The following PKN2 variants were observed in gnomAD, a reference collection of about 807,000 sequenced individuals.
The protein encoded by PKN2 is protein kinase N2, also known as serine/threonine-protein kinase N2.
A neutral mutation model predicts 119.1 loss-of-function variants in PKN2; 38 were observed. That is an observed-to-expected ratio of 0.32 (90% CI 0.25 to 0.42). PKN2 has a LOEUF of 0.42. Ranked by LOEUF, PKN2 falls within the 10% of genes least tolerant of loss-of-function variation. PKN2 has a pLI of 1.00. For missense variants in PKN2, 850 were observed against 1,165.1 expected (o/e 0.73, Z 3.94); for synonymous variants, 390 against 384.9 (o/e 1.01, Z -0.15).
intron 8 of PKN2, among the ~76,000 whole-genome samples, chr1:88,788,409 G>A (rs1240271976): frequency 6.6e-6 from 1 of 151,990 alleles, no homozygotes; most frequent in Admixed American, 6.6e-5. Flanking sequence ...TGGCCCTCAG[G>A]CTAAGTAACT....
At chr1:88,775,138 T>C (rs1379919606) in intron 6 of PKN2, among the ~76,000 whole-genome samples, 3 of 151,842 alleles carry the variant, frequency 2.0e-5, no homozygotes, top group Non-Finnish European at 4.4e-5. Flanking sequence ...CTTATTTTAT[T>C]TTTTTTGTAG....
intron 16 of PKN2, among the ~76,000 whole-genome samples, chr1:88,820,539 AAAAATAAAT>A (rs998413484): frequency 5.4e-5 from 8 of 149,054 alleles, no homozygotes; most frequent in Non-Finnish European, 8.9e-5. Context: ...ATCTCAAAAA[AAAAATAAAT>A]AAAATAAATA....
intron 2 of PKN2, 144 bp downstream of exon 2, chr1:88,741,432 T>C (rs1668576075): frequency 3.7e-6 from 2 of 535,930 alleles, no homozygotes; most frequent in Non-Finnish European, 6.3e-6. Context: ...TAAGGTCTTA[T>C]TTATATTCTG....
At position 88,741,329 on chromosome 1, in the gene PKN2, TA is replaced by T. The variant is rs140465430; in HGVS notation, c.349+49del. The T allele has an allele frequency of 1.2e-3, 1,444 of 1,241,140 alleles. 9 individuals are homozygous for T. The African/African-American group carries it at 0.018, about 15-fold the overall frequency. The allele number at this position is 1,241,140 out of a possible 1,614,324, so 76.9% of individuals were successfully genotyped here. The stretch of plus-strand genomic sequence containing the variant: ...ATTTGATGTTTATATGGTATATTAA[TA>T]AAAAAAATGTATCTTTTTAGAAAAT... On this transcript the variant is annotated intron_variant, in intron 2 of 21. Transcript: ENST00000370521.
intron 1 of PKN2, among the ~76,000 whole-genome samples, chr1:88,700,940 G>C (rs760583539): frequency 1.3e-5 from 2 of 152,092 alleles, no homozygotes; most frequent in Non-Finnish European, 2.9e-5. Context: ...TGAGGGAGCA[G>C]AACTGCAGTA....
Position 88,684,467 on chromosome 1 carries a change from G to GTTTT in PKN2, c.-104_-101dup. The GTTTT allele has an allele frequency of 1.1e-5, 7 of 655,020 alleles. No homozygotes were observed. Among genetic ancestry groups the GTTTT allele is most frequent in the South Asian group, 4.1e-5 (2 of 48,778 alleles). 40.6% of individuals were successfully genotyped at this position (655,020 alleles called of 1,614,324 possible). On this transcript the variant is annotated 5_prime_UTR_variant, in exon 1 of 22. Coordinates refer to ENST00000370521, the MANE Select transcript of PKN2 (RefSeq NM_006256.4). ...GCTGCGCCTCCATGAATCCCTAGTT[G>GTTTT]TTTTTTTTTTTTTCTTTCTCTCCCC... is the stretch of plus-strand genomic sequence containing the variant.
chr1:88,749,403 C>CAA (rs11430270), intron 2 of PKN2, among the ~76,000 whole-genome samples: 3,229 of 116,438 alleles, frequency 0.028, 121 homozygotes, highest in African/African-American at 0.089. Flanking sequence ...GACTCCGTCT[C>CAA]AAAAAAAAAA....
chr1:88,736,019 T>G (rs185040410), intron 1 of PKN2, among the ~76,000 whole-genome samples: 1 of 152,330 alleles, frequency 6.6e-6, no homozygotes, highest in African/African-American at 2.4e-5. Flanking sequence ...CTTCATTCCC[T>G]TTTACCCTTT....
chr1:88,780,384 G>T (rs1670288692), intron 6 of PKN2, among the ~76,000 whole-genome samples: 1 of 152,094 alleles, frequency 6.6e-6, no homozygotes, highest in Non-Finnish European at 1.5e-5. Context: ...AGGGCACCAT[G>T]AACTGAGAAA....
At position 88,732,840 on chromosome 1, in the gene PKN2, T is replaced by A. The variant is rs1184623818; in HGVS notation, c.49-8148T>A. Among the ~76,000 whole-genome samples the A allele has an allele frequency of 2.0e-5, 3 of 152,166 alleles. No individual in the cohort carries two copies. In the East Asian group the frequency reaches 5.8e-4, roughly 29 times the overall value. Reference sequence around the variant, plus strand: ...CAATGGAATATTATTCAGTCATAAATAATGAAATCTTGTCATTTCAGACAA... The same window carrying A: ...CAATGGAATATTATTCAGTCATAAAAAATGAAATCTTGTCATTTCAGACAA... On this transcript the variant is annotated intron_variant, in intron 1 of 21. Coordinates refer to ENST00000370521, the MANE Select transcript of PKN2 (RefSeq NM_006256.4).
intron 2 of PKN2, 124 bp from the exon 3 acceptor site, chr1:88,760,098 T>G: frequency 1.7e-6 from 1 of 579,982 alleles, no homozygotes; most frequent in Non-Finnish European, 3.1e-6. Context: ...TCTATAAGTA[T>G]AAGGAGATTT....
intron 1 of PKN2, among the ~76,000 whole-genome samples, chr1:88,729,186 G>A (rs1327140330): frequency 2.0e-5 from 3 of 152,194 alleles, no homozygotes; most frequent in East Asian, 3.9e-4. Context: ...GAGCCACTGC[G>A]CCCAGCCAAC....
chr1:88,734,656 A>G lies in PKN2; in HGVS notation c.49-6332A>G, dbSNP rs570295759. On this transcript the variant is annotated intron_variant, in intron 1 of 21. Coordinates refer to ENST00000370521, the MANE Select transcript of PKN2 (RefSeq NM_006256.4). ...CCTCCAGCTTTGTTCTTTTTGCTTT[A>G]GATTACTTTGGCTATTTATGTTCTC... is the stretch of plus-strand genomic sequence containing the variant. Among the ~76,000 whole-genome samples the G allele has an allele frequency of 1.1e-4, 17 of 152,204 alleles. No individual in the cohort carries two copies. The East Asian group carries it at 3.3e-3, about 29-fold the overall frequency.
intron 6 of PKN2, among the ~76,000 whole-genome samples, chr1:88,779,385 CT>C (rs879780694): frequency 1.5e-3 from 214 of 142,846 alleles, no homozygotes; most frequent in Non-Finnish European, 1.3e-3. Context: ...TGTCTTTGTA[CT>C]TTTTTTTTTT....
chr1:88,723,099 A>G (rs1472270651), intron 1 of PKN2, among the ~76,000 whole-genome samples: 1 of 151,626 alleles, frequency 6.6e-6, no homozygotes, highest in African/African-American at 2.4e-5. Context: ...TTCTTTGAAT[A>G]TTTGAAGCCA....
intron 11 of PKN2, 105 bp downstream of exon 11, chr1:88,805,776 T>G: frequency 6.2e-7 from 1 of 1,601,992 alleles, no homozygotes; most frequent in African/African-American, 1.3e-5. Context: ...CCAAGTAGTA[T>G]TTTGAAAGTA....
intron 3 of PKN2, among the ~76,000 whole-genome samples, chr1:88,766,102 C>A (rs1437998069): frequency 2.6e-5 from 4 of 152,226 alleles, no homozygotes. Flanking sequence ...CATGAGCCAC[C>A]ATCCCTGGCC....
chr1:88,803,663 A>G (rs907930454), intron 8 of PKN2, among the ~76,000 whole-genome samples: 1 of 152,172 alleles, frequency 6.6e-6, no homozygotes, highest in African/African-American at 2.4e-5. Flanking sequence ...TTCAGTGTCT[A>G]CTGTGTATTC....
intron 1 of PKN2, among the ~76,000 whole-genome samples, chr1:88,720,577 A>G (rs987323721): frequency 2.0e-5 from 3 of 152,214 alleles, no homozygotes; most frequent in African/African-American, 4.8e-5. Context: ...TAGAGATGGA[A>G]GAAAAATATA....
Sources: gnomAD v4.1 joint callset for allele counts (sites outside exome capture counted in the v4.1 genomes callset) on GRCh38, gnomAD v4.1.1 for gene constraint, MANE v1.5 for transcripts, NCBI Gene and HGNC (gene_info 2026-07-23, HGNC 2026-07-21) for gene names.